Variants in STAT2 observed in about 807,000 individuals in gnomAD.
STAT2 encodes interferon alpha induced transcriptional activator.
Under a neutral mutation model 122.3 loss-of-function variants are expected in STAT2, and 51 were observed. The observed-to-expected ratio is 0.42, with a 90% CI of 0.33 to 0.53. STAT2 has a LOEUF of 0.53. Among genes scored for constraint, STAT2 ranks in the 20% least tolerant of loss-of-function variants. STAT2 has a pLI of 0.10. For missense variants in STAT2, 736 were observed against 1,010.3 expected, an observed-to-expected ratio of 0.73 and a Z score of 3.68; for synonymous variants, 351 against 394.9, an observed-to-expected ratio of 0.89 and a Z score of 1.32.
chr12:56,351,747 C>A (rs372061799), intron 8 of STAT2, among the ~76,000 whole-genome samples: 1 of 152,128 alleles, frequency 6.6e-6, no homozygotes, highest in East Asian at 1.9e-4. Context: ...CTCAAAACAA[C>A]CCTCTGAGGC....
intron 9 of STAT2, 30 bp from the exon 10 acceptor site, chr12:56,351,220 A>G (rs766020912): frequency 1.2e-6 from 2 of 1,611,736 alleles, no homozygotes; most frequent in South Asian, 1.1e-5. Context: ...GAGAGAATAT[A>G]TAGCTCAGTA....
At chr12:56,350,336 C>T in intron 12 of STAT2, 76 bp downstream of exon 12, 3 of 1,500,046 alleles carry the variant, frequency 2.0e-6, no homozygotes, top group South Asian at 1.2e-5. Flanking sequence ...CTTGTTTGTG[C>T]CACCAGGGCT....
chr12:56,347,655 C>T (rs1004774945), intron 19 of STAT2, among the ~76,000 whole-genome samples: 1 of 152,096 alleles, frequency 6.6e-6, no homozygotes, highest in Non-Finnish European at 1.5e-5. Context: ...GCGCCCACCA[C>T]CACACCCGGC....
chr12:56,353,995 C>CACAAAAA (rs1878985032), intron 8 of STAT2, among the ~76,000 whole-genome samples: 3 of 12,776 alleles, frequency 2.3e-4, no homozygotes, highest in Non-Finnish European at 3.8e-4. Context: ...GACTCCGTCT[C>CACAAAAA]AAAAAAAAAA....
At chr12:56,347,898 A>G (rs1479446369) in intron 19 of STAT2, among the ~76,000 whole-genome samples, 5 of 152,152 alleles carry the variant, frequency 3.3e-5, no homozygotes, top group Admixed American at 3.3e-4. Flanking sequence ...GGATTTGAAT[A>G]TCAACTGTGT....
At position 56,351,468 on chromosome 12, in the gene STAT2, G is replaced by C. The variant is rs767407987; in HGVS notation, c.783-18C>G. On this transcript the variant is annotated intron_variant, in intron 8 of 23. Coordinates refer to ENST00000314128, the MANE Select transcript of STAT2 (RefSeq NM_005419.4). ...CTGTGAACCTGGGTGATAAAATTCA[G>C]GAAGAAGGAATCCATGAGTTTCCTG... The C allele has an allele frequency of 6.2e-7, 1 of 1,609,588 alleles. No individual in the cohort carries two copies. The highest frequency in any genetic ancestry group is 8.5e-7 in the Non-Finnish European group (1 of 1,178,146).
rs770628741 is a variant in STAT2, at chr12:56,350,144, G to A, written c.1162C>T (p.Pro388Ser). 2 of 1,607,038 alleles carry A rather than the reference G, an allele frequency of 1.2e-6. No homozygotes were observed. The highest frequency in any genetic ancestry group is 3.4e-5 in the Admixed American group (2 of 58,988). Residue 388 changes from proline (P) to serine (S), a missense_variant, in exon 13 of 24, where the codon CCC becomes TCC. By Grantham distance (74) the Pro-to-Ser change is moderately conservative. Coordinates refer to ENST00000314128, the MANE Select transcript of STAT2 (RefSeq NM_005419.4). ...AAACCCTGACTCTGCCCCTTCTCGG[G>A]GGTCAAAGTTTTCTGGTTTGAAGTC... ...ILTSNQKTLT[P>S]EKGQSQGLIW...
intron 8 of STAT2, 73 bp downstream of exon 8, chr12:56,354,393 G>A: frequency 1.2e-6 from 2 of 1,600,960 alleles, no homozygotes; most frequent in Non-Finnish European, 1.7e-6. Context: ...AGTATCTCTT[G>A]CTATATGCAG....
chr12:56,350,894 G>C lies in STAT2; in HGVS notation c.1035-6C>G. ...CCTGGAGTCTCACCAGCAGCCTGGG[G>C]GAAGGAAGGGGGATAGGGGAAAGTG... On this transcript the variant is annotated splice_region_variant and splice_polypyrimidine_tract_variant and intron_variant, in intron 10 of 23. Coordinates refer to ENST00000314128, the MANE Select transcript of STAT2 (RefSeq NM_005419.4). 2 of 1,614,126 alleles carry C rather than the reference G, an allele frequency of 1.2e-6. No homozygotes were observed.
chr12:56,348,763 C>T lies in STAT2; in HGVS notation c.1618G>A (p.Asp540Asn), dbSNP rs1877949552. ...ATTCAGGGAGTTACCTTAGTGAAGTCAGCCCAGGACAATAATGGATCCTCA... is the reference window on the plus strand; with the variant it reads ...ATTCAGGGAGTTACCTTAGTGAAGTTAGCCCAGGACAATAATGGATCCTCA... ...RTEDPLLSWA[D>N]FTKRESPPGK... The change falls in exon 18 of 24, where the codon GAC becomes AAC. Residue 540 changes from aspartate to asparagine, a missense_variant. Coordinates refer to ENST00000314128, the MANE Select transcript of STAT2 (RefSeq NM_005419.4). 3 of 1,614,036 alleles carry T rather than the reference C, an allele frequency of 1.9e-6. No individual in the cohort carries two copies. Among genetic ancestry groups the T allele is most frequent in the Middle Eastern group, 1.6e-4 (1 of 6,080 alleles).
chr12:56,348,025 A>C (rs1592470513), intron 19 of STAT2, among the ~76,000 whole-genome samples: 1 of 151,080 alleles, frequency 6.6e-6, no homozygotes, highest in African/African-American at 2.4e-5. Flanking sequence ...AATGAAGAGC[A>C]CCCATCAAGC....
chr12:56,351,075 G>A (rs1486727677), intron 10 of STAT2, 23 bp downstream of exon 10: 2 of 1,610,102 alleles, frequency 1.2e-6, no homozygotes, highest in Admixed American at 1.7e-5. Flanking sequence ...AAAGGAAGTG[G>A]GAATGAGTTC....
chr12:56,349,035 G>T lies in STAT2; in HGVS notation c.1465C>A (p.Pro489Thr), dbSNP rs149351309. ...LQNQQFFSNP[P>T]KAPWSLLGPA... ...CCCAGCAAGCTCCAGGGGGCCTTGG[G>T]GGGGTTGGAGAAGAACTGCTGGTTC... Residue 489 changes from proline (P) to threonine (T), a missense_variant, in exon 17 of 24, where the codon CCC (proline) becomes ACC (threonine). Pro to Thr is a conservative substitution (Grantham distance 38). Transcript: ENST00000314128. The T allele has an allele frequency of 1.1e-5, 18 of 1,613,520 alleles. No homozygotes were observed. Among genetic ancestry groups the T allele is most frequent in the Non-Finnish European group, 1.4e-5 (17 of 1,179,768 alleles).
At chr12:56,358,585 A>G (rs972515130) in intron 1 of STAT2, among the ~76,000 whole-genome samples, 20 of 152,176 alleles carry the variant, frequency 1.3e-4, no homozygotes, top group African/African-American at 3.4e-4. Flanking sequence ...TTTGGTGGTC[A>G]GGTAAGTACA....
chr12:56,346,541 G>A lies in STAT2; in HGVS notation c.1945C>T (p.Gln649Ter). 6.2e-7 allele frequency: 1 copy of A among 1,614,186 alleles called. No individual in the cohort carries two copies. The highest frequency in any genetic ancestry group is 8.5e-7 in the Non-Finnish European group (1 of 1,180,036). The change falls in exon 21 of 24, where the codon CAG becomes TAG. Residue 649 changes from glutamine to a stop codon, truncating the protein, a stop_gained. Coordinates refer to ENST00000314128, the MANE Select transcript of STAT2 (RefSeq NM_005419.4). LOFTEE classifies it high-confidence loss of function. ...GGTATATTCTCCTCAGTGAGCAACT[G>A]GTAATGGCGGATGATTTCAGTCAGC... ...LPLTEIIRHY[Q>*]LLTEENIPEN... is the part of the protein sequence containing the mutation.
chr12:56,351,318 T>G lies in STAT2; in HGVS notation c.915A>C (p.Thr305=), dbSNP rs527973291. The G allele has an allele frequency of 1.2e-6, 2 of 1,614,182 alleles. No individual in the cohort carries two copies. Among genetic ancestry groups the G allele is most frequent in the South Asian group, 2.2e-5 (2 of 91,084 alleles). Residue 305 remains threonine (T), a synonymous_variant, in exon 9 of 24, where the codon ACA becomes ACC. Transcript: ENST00000314128. ...TGTGGAGCAGACGCTGTAGCAACTCTGTGACCTGGGCGTTGCGTAGGTCCA... is the reference window on the plus strand; with the variant it reads ...TGTGGAGCAGACGCTGTAGCAACTCGGTGACCTGGGCGTTGCGTAGGTCCA... The part of the protein sequence containing the change: ...KGVDLRNAQV[T]ELLQRLLHRA...
In STAT2 at chr12:56,356,178, G is replaced by C. The variant is rs759097133; in HGVS notation, c.239C>G (p.Ser80Cys). The change falls in exon 3 of 24, where the codon TCC becomes TGC. Residue 80 changes from serine to cysteine, a missense_variant. By Grantham distance (112) the Ser-to-Cys change is moderately radical. Transcript: ENST00000314128. The stretch of plus-strand genomic sequence containing the variant: ...CCGCAAATTGTGCTGCAGCAACAAG[G>C]ACTCTGGGTCCTGGCTGCAACGGCC... ...ECGRCSQDPE[S>C]LLLQHNLRKF... is the part of the protein sequence containing the mutation. 1.3e-5 allele frequency: 21 copies of C among 1,614,028 alleles called. No homozygotes were observed. The highest frequency in any genetic ancestry group is 1.7e-5 in the Non-Finnish European group (20 of 1,180,040).
Position 56,355,266 on chromosome 12 carries a change from T to G in STAT2, c.547+10A>C, listed in dbSNP as rs1412390780. 1 of 1,614,158 alleles carries G rather than the reference T, an allele frequency of 6.2e-7. No individual in the cohort carries two copies. Among genetic ancestry groups the G allele is most frequent in the Admixed American group, 1.7e-5 (1 of 60,014 alleles). On this transcript the variant is annotated intron_variant, in intron 6 of 23. Transcript: ENST00000314128. ...CTTATCTTTCTCCAGCCCCTCAATG[T>G]GCTTCCTACCTTTGGCCTGGATCTT...
At chr12:56,347,098 A>G in intron 19 of STAT2, 143 bp from the exon 20 acceptor site, 1 of 1,274,178 alleles carries the variant, frequency 7.8e-7, no homozygotes, top group Non-Finnish European at 1.1e-6. Context: ...GCTTTTTTTT[A>G]TCTTTTACAA....
Sources: allele counts gnomAD v4.1 joint callset (sites outside exome capture counted in the v4.1 genomes callset), GRCh38; gene constraint gnomAD v4.1.1; transcripts MANE v1.5; gene names NCBI Gene and HGNC (gene_info 2026-07-23, HGNC 2026-07-21).